The following BEST3 variants were observed in gnomAD, a reference collection of about 807,000 sequenced individuals.
BEST3 encodes bestrophin 3.
BEST3 carries 50 observed loss-of-function variants against 47.1 expected under a neutral mutation model. The observed-to-expected ratio is 1.06, with a 90% CI of 0.85 to 1.34. The LOEUF (loss-of-function observed/expected upper bound fraction) is 1.34. BEST3 is among the 40% of genes most tolerant of loss of function. The pLI is 0.00. For synonymous variants in BEST3, 282 were observed against 298.8 expected (o/e 0.94, Z 0.58); for missense variants, 765 against 817.0 (o/e 0.94, Z 0.78).
In BEST3 at chr12:69,697,763, T is replaced by G; in HGVS notation, c.36A>C (p.Ala12=). The part of the protein sequence containing the change: ...TVTYSSKVAN[A]TFFGFHRLLL... ...GTAACCTATGAAATCCAAAAAAAGT[T>G]GCATTTGCTACTTTACTGGAGTAAG... The change falls in exon 2 of 10, where the codon GCA becomes GCC. Residue 12 remains alanine, a synonymous_variant. Transcript: ENST00000330891. 1.2e-6 allele frequency: 2 copies of G among 1,612,988 alleles called. No individual in the cohort carries two copies. Among genetic ancestry groups the G allele is most frequent in the Non-Finnish European group, 1.7e-6 (2 of 1,179,356 alleles).
chr12:69,698,394 G>C (rs1463694519), intron 1 of BEST3, among the ~76,000 whole-genome samples: 1 of 152,176 alleles, frequency 6.6e-6, no homozygotes, highest in Non-Finnish European at 1.5e-5. Flanking sequence ...TCATGAATGT[G>C]GTTAGGATGA....
chr12:69,689,099 G>A (rs762545326), intron 4 of BEST3: 37 of 985,394 alleles, frequency 3.8e-5, no homozygotes, highest in Non-Finnish European at 4.3e-5. Flanking sequence ...GCAGGAGCAG[G>A]TGCTCCGGCT....
downstream of BEST3, among the ~76,000 whole-genome samples, chr12:69,650,726 T>C (rs1317202279): frequency 6.6e-6 from 1 of 152,196 alleles, no homozygotes; most frequent in African/African-American, 2.4e-5. Flanking sequence ...TTTTCTCCAG[T>C]TCCATGTTTT....
intron 9 of BEST3, chr12:69,670,474 A>T: frequency 2.8e-6 from 2 of 702,942 alleles, no homozygotes; most frequent in Non-Finnish European, 5.2e-6. Flanking sequence ...GGGTCTGGAA[A>T]GGTTTTCAGC....
rs772322965 is a variant in BEST3, at chr12:69,678,894, C to T, written c.482-1G>A. On this transcript the variant is annotated splice_acceptor_variant, in intron 4 of 9. Coordinates refer to ENST00000330891, the MANE Select transcript of BEST3 (RefSeq NM_032735.3). LOFTEE classifies it high-confidence loss of function. ...TTCCTTTCATCTGTTGTCATAAAACCTTTACAAAAAAATAAAAATCGGTAG... is the reference window on the plus strand; with the variant it reads ...TTCCTTTCATCTGTTGTCATAAAACTTTTACAAAAAAATAAAAATCGGTAG... 2.0e-5 allele frequency: 32 copies of T among 1,610,908 alleles called. No homozygotes were observed. The highest frequency in any genetic ancestry group is 2.5e-5 in the Non-Finnish European group (30 of 1,178,434).
At chr12:69,681,975 G>A (rs1415325839) in intron 4 of BEST3, among the ~76,000 whole-genome samples, 2 of 151,572 alleles carry the variant, frequency 1.3e-5, no homozygotes, top group Non-Finnish European at 2.9e-5. Flanking sequence ...CAGCTGCTTG[G>A]GAGGCTGAGG....
rs192044887 is a variant in BEST3 at position 69,681,419 on chromosome 12, C to T, written c.482-2526G>A. 2.6e-5 allele frequency among the ~76,000 whole-genome samples: 4 copies of T among 152,114 alleles called. No individual in the cohort carries two copies. In the East Asian group the frequency reaches 7.8e-4, roughly 30 times the overall value. On this transcript the variant is annotated intron_variant, in intron 4 of 9. Transcript: ENST00000330891. Reference sequence around the variant, plus strand: ...ATTACTTAGGCCAGGAGTTTGTGACCAGCCTGGGCAATATAGCAAGACTTC... The same window carrying T: ...ATTACTTAGGCCAGGAGTTTGTGACTAGCCTGGGCAATATAGCAAGACTTC...
At chr12:69,695,115 T>A (rs2136049052) in intron 2 of BEST3, among the ~76,000 whole-genome samples, 1 of 152,334 alleles carries the variant, frequency 6.6e-6, no homozygotes, top group East Asian at 1.9e-4. Flanking sequence ...TCTGGTATTG[T>A]TAAACATAAG....
chr12:69,669,574 A>T (rs1021555132), intron 9 of BEST3: 1 of 152,240 alleles, frequency 6.6e-6, no homozygotes. Flanking sequence ...AGAATAGCTT[A>T]AAGTGATTTA....
intron 4 of BEST3, chr12:69,684,520 G>C (rs750790916): frequency 1.6e-6 from 1 of 626,656 alleles, no homozygotes; most frequent in South Asian, 1.8e-5. Context: ...CTTTCAAGCA[G>C]AGTATTCAAA....
At chr12:69,673,544 TCTC>T (rs768967213) in intron 7 of BEST3, among the ~76,000 whole-genome samples, 15 of 152,102 alleles carry the variant, frequency 9.9e-5, no homozygotes, top group Non-Finnish European at 1.8e-4. Context: ...TTCAAGCAAT[TCTC>T]CTGCCTCAGT....
intron 8 of BEST3, 137 bp downstream of exon 8, chr12:69,672,748 C>A: frequency 6.4e-6 from 4 of 622,490 alleles, no homozygotes; most frequent in South Asian, 4.2e-5. Flanking sequence ...TGAGACAGCA[C>A]AGTGCACAGC....
chr12:69,646,871 A>G (rs988562028), intron 9 of BEST3, among the ~76,000 whole-genome samples: 3 of 152,156 alleles, frequency 2.0e-5, no homozygotes, highest in Non-Finnish European at 4.4e-5. Flanking sequence ...AAACATGTGG[A>G]TTAATACCAA....
At chr12:69,693,539 A>G in intron 4 of BEST3, 135 bp downstream of exon 4, 2 of 745,878 alleles carry the variant, frequency 2.7e-6, no homozygotes, top group Non-Finnish European at 4.3e-6. Flanking sequence ...TGCTGGGATT[A>G]CAGGCATGAG....
rs542919251 is a variant in BEST3 at position 69,674,133 on chromosome 12, A to G, written c.868-1168T>C. Among the ~76,000 whole-genome samples, 195 of 152,264 alleles carry G rather than the reference A, an allele frequency of 1.3e-3. 1 individual carries two copies. Among genetic ancestry groups the G allele is most frequent in the Middle Eastern group, 6.8e-3 (2 of 294 alleles). ...GAGAGGGAGATTTTACATTGAGTCT[A>G]GATGGAAAAAAATTTTAAATGTGTA... On this transcript the variant is annotated intron_variant, in intron 7 of 9. Coordinates refer to ENST00000330891, the MANE Select transcript of BEST3 (RefSeq NM_032735.3).
In BEST3 at chr12:69,655,626, T is replaced by C; in HGVS notation, c.1288A>G (p.Ser430Gly). Reference protein sequence around the residue: ...SSMFLPRDDLSPARDLLDVPS... With the variant: ...SSMFLPRDDLGPARDLLDVPS... ...ACATCCAGTAGGTCCCTGGCTGGGCTGAGGTCATCTCGGGGTAAGAACATG... is the reference window on the plus strand; with the variant it reads ...ACATCCAGTAGGTCCCTGGCTGGGCCGAGGTCATCTCGGGGTAAGAACATG... Residue 430 changes from serine to glycine, a missense_variant, in exon 10 of 10, where the codon AGC (serine) becomes GGC (glycine). Ser to Gly is a moderately conservative substitution (Grantham distance 56, BLOSUM62 0). Transcript: ENST00000330891. 2 of 1,613,976 alleles carry C rather than the reference T, an allele frequency of 1.2e-6. No individual in the cohort carries two copies.
intron 7 of BEST3, among the ~76,000 whole-genome samples, chr12:69,676,448 C>G (rs1055133516): frequency 1.3e-5 from 2 of 151,460 alleles, no homozygotes; most frequent in African/African-American, 4.8e-5. Flanking sequence ...ATGGGGTACA[C>G]TTAATGTTGT....
chr12:69,694,368 A>C lies in BEST3; in HGVS notation c.247+2T>G. 6.3e-7 allele frequency: 1 copy of C among 1,590,136 alleles called. No individual in the cohort carries two copies. The highest frequency in any genetic ancestry group is 8.6e-7 in the Non-Finnish European group (1 of 1,162,944). ...TGCAATCTGCGTGTGACCTATACTT[A>C]CCAAGCACAAAGGTTACTGGAATTT... On this transcript the variant is annotated splice_donor_variant, in intron 3 of 9. Transcript: ENST00000330891. LOFTEE classifies it high-confidence loss of function.
At chr12:69,673,759 T>C (rs926029429) in intron 7 of BEST3, among the ~76,000 whole-genome samples, 2 of 152,158 alleles carry the variant, frequency 1.3e-5, no homozygotes, top group Admixed American at 6.6e-5. Flanking sequence ...TTCACAGTTA[T>C]TGAACATAAC....
Sources: allele counts gnomAD v4.1 joint callset (sites outside exome capture counted in the v4.1 genomes callset), GRCh38; gene constraint gnomAD v4.1.1; transcripts MANE v1.5; gene names NCBI Gene and HGNC (gene_info 2026-07-23, HGNC 2026-07-21).